Variants in CDH12 observed in about 807,000 individuals in gnomAD.
CDH12 encodes cadherin 12.
Under a neutral mutation model 74.1 loss-of-function variants are expected in CDH12, and 41 were observed. The observed-to-expected ratio is 0.55, with a 90% CI of 0.43 to 0.72. CDH12 has a LOEUF of 0.72. CDH12 is among the 30% of genes least tolerant of loss of function. The probability of loss-of-function intolerance (pLI) is 0.00; values close to 1 mark genes in which losing one functional copy is unlikely to be tolerated. For synonymous variants in CDH12, 399 were observed against 355.0 expected (o/e 1.12, Z -1.39); for missense variants, 945 against 977.2 (o/e 0.97, Z 0.44).
chr5:21,873,700 G>C (rs1170737358), intron 6 of CDH12, among the ~76,000 whole-genome samples: 1 of 152,162 alleles, frequency 6.6e-6, no homozygotes, highest in Non-Finnish European at 1.5e-5. Context: ...GTAAACGTGT[G>C]CCATGGTGGT....
chr5:22,230,043 A>G (rs1752330518), intron 3 of CDH12, among the ~76,000 whole-genome samples: 1 of 152,130 alleles, frequency 6.6e-6, no homozygotes, highest in Non-Finnish European at 1.5e-5. Context: ...ATTTAGGAAA[A>G]TTGATTTGAG....
intron 6 of CDH12, among the ~76,000 whole-genome samples, chr5:21,860,691 T>C (rs1750998074): frequency 6.7e-6 from 1 of 149,990 alleles, no homozygotes; most frequent in South Asian, 2.1e-4. Context: ...TCTCCTGTGC[T>C]AGATGCTTCC....
At chr5:22,823,268 G>T (rs562809388) in intron 1 of CDH12, among the ~76,000 whole-genome samples, 1 of 151,380 alleles carries the variant, frequency 6.6e-6, no homozygotes, top group Non-Finnish European at 1.5e-5. Context: ...AGCATTAGGA[G>T]TTACACCTAA....
chr5:22,193,754 G>A (rs1472027504), intron 4 of CDH12, among the ~76,000 whole-genome samples: 1 of 151,682 alleles, frequency 6.6e-6, no homozygotes, highest in Non-Finnish European at 1.5e-5. Context: ...AAACCCACGA[G>A]GGTTGCTGAG....
intron 4 of CDH12, among the ~76,000 whole-genome samples, chr5:22,211,364 T>C (rs574497592): frequency 1.6e-4 from 24 of 152,344 alleles, no homozygotes; most frequent in Middle Eastern, 3.4e-3. Context: ...AATGTTTATT[T>C]CATTATTTGA....
chr5:22,064,943 G>C (rs1039410878), intron 5 of CDH12, among the ~76,000 whole-genome samples: 1 of 152,188 alleles, frequency 6.6e-6, no homozygotes, highest in Admixed American at 6.5e-5. Context: ...TGCTGTTAAA[G>C]TGAGCAAAGT....
chr5:22,674,603 T>C (rs1190389933), intron 1 of CDH12, among the ~76,000 whole-genome samples: 1 of 151,892 alleles, frequency 6.6e-6, no homozygotes, highest in Non-Finnish European at 1.5e-5. Context: ...GTTGGAACAG[T>C]TTGGAGGGCT....
chr5:22,596,893 T>C (rs535123846), intron 1 of CDH12, among the ~76,000 whole-genome samples: 1 of 152,174 alleles, frequency 6.6e-6, no homozygotes. Flanking sequence ...ATCTGCTTAT[T>C]GCAAAACTTT....
intron 2 of CDH12, among the ~76,000 whole-genome samples, chr5:22,455,506 T>C (rs1323492432): frequency 6.6e-6 from 1 of 151,142 alleles, no homozygotes; most frequent in Non-Finnish European, 1.5e-5. Context: ...AGCAATTTGA[T>C]TTTAAACAGA....
chr5:22,666,589 C>T (rs1740637772), intron 1 of CDH12, among the ~76,000 whole-genome samples: 2 of 152,018 alleles, frequency 1.3e-5, no homozygotes, highest in South Asian at 2.1e-4. Flanking sequence ...CGCGCCCGGC[C>T]CTCTCTATCT....
intron 1 of CDH12, among the ~76,000 whole-genome samples, chr5:22,550,383 G>A (rs958290696): frequency 6.6e-6 from 1 of 152,032 alleles, no homozygotes; most frequent in Non-Finnish European, 1.5e-5. Flanking sequence ...AACTTTACAT[G>A]TTTGACTCAG....
chr5:22,116,381 G>A (rs1389291045), intron 4 of CDH12, among the ~76,000 whole-genome samples: 2 of 152,022 alleles, frequency 1.3e-5, no homozygotes, highest in African/African-American at 2.4e-5. Context: ...CGAGACGGGC[G>A]GGTCACGAGG....
intron 10 of CDH12, among the ~76,000 whole-genome samples, chr5:21,790,988 C>G (rs1746464231): frequency 6.6e-6 from 1 of 152,016 alleles, no homozygotes; most frequent in East Asian, 1.9e-4. Flanking sequence ...TTTTTTATCT[C>G]TGTCACCTTG....
At chr5:22,777,694 A>G (rs1014084246) in intron 1 of CDH12, among the ~76,000 whole-genome samples, 3 of 152,058 alleles carry the variant, frequency 2.0e-5, no homozygotes, top group Non-Finnish European at 2.9e-5. Context: ...GCAGAGGTTC[A>G]AGGAAAGGTG....
chr5:22,092,448 G>T (rs1301022995), intron 4 of CDH12, among the ~76,000 whole-genome samples: 2 of 152,084 alleles, frequency 1.3e-5, no homozygotes, highest in Non-Finnish European at 2.9e-5. Flanking sequence ...AAATGAGAGA[G>T]GGCTTTGAAT....
intron 1 of CDH12, among the ~76,000 whole-genome samples, chr5:22,541,798 T>A (rs949735616): frequency 6.6e-6 from 1 of 152,176 alleles, no homozygotes; most frequent in Non-Finnish European, 1.5e-5. Flanking sequence ...TGAGTAAAAC[T>A]AGGACCTAAG....
intron 4 of CDH12, among the ~76,000 whole-genome samples, chr5:22,182,021 T>A (rs1749675492): frequency 6.6e-6 from 1 of 152,162 alleles, no homozygotes; most frequent in Non-Finnish European, 1.5e-5. Flanking sequence ...TTTCAGTCTG[T>A]TTTCTAAGTA....
At chr5:22,636,761 T>C (rs568689298) in intron 1 of CDH12, among the ~76,000 whole-genome samples, 1 of 152,350 alleles carries the variant, frequency 6.6e-6, no homozygotes, top group South Asian at 2.1e-4. Context: ...TGTACAACTG[T>C]GTATATACTA....
chr5:21,993,352 T>C (rs933657392), intron 5 of CDH12, among the ~76,000 whole-genome samples: 1 of 152,170 alleles, frequency 6.6e-6, no homozygotes, highest in African/African-American at 2.4e-5. Flanking sequence ...TGGATTTTAT[T>C]ACTATGCTTA....
Sources: gnomAD v4.1 joint callset for allele counts (sites outside exome capture counted in the v4.1 genomes callset) on GRCh38, gnomAD v4.1.1 for gene constraint, MANE v1.5 for transcripts, NCBI Gene and HGNC (gene_info 2026-07-23, HGNC 2026-07-21) for gene names.